Variants in YWHAQ observed in about 807,000 individuals in gnomAD.
YWHAQ encodes tyrosine 3-monooxygenase/tryptophan 5-monooxygenase activation protein theta, also known as 14-3-3 protein theta.
YWHAQ carries 6 observed loss-of-function variants against 28.3 expected under a neutral mutation model. The observed-to-expected ratio is 0.21, with a 90% CI of 0.12 to 0.42. YWHAQ has a LOEUF of 0.42. YWHAQ is among the 10% of genes least tolerant of loss of function. YWHAQ has a pLI of 1.00. For missense variants in YWHAQ, 201 were observed against 305.6 expected, an observed-to-expected ratio of 0.66 and a Z score of 2.55; for synonymous variants, 143 against 119.1, an observed-to-expected ratio of 1.20 and a Z score of -1.31.
intron 2 of YWHAQ, among the ~76,000 whole-genome samples, chr2:9,594,466 A>C (rs1044778677): frequency 7.9e-5 from 12 of 152,124 alleles, no homozygotes; most frequent in Non-Finnish European, 1.2e-4. Context: ...TCTCAAACTG[A>C]CTCAGTCATT....
chr2:9,617,488 T>C (rs1393594290), intron 2 of YWHAQ, among the ~76,000 whole-genome samples: 1 of 152,124 alleles, frequency 6.6e-6, no homozygotes, highest in Admixed American at 6.5e-5. Flanking sequence ...TTAATGGGTA[T>C]AGAGTTTCAG....
In YWHAQ at chr2:9,606,631, G is replaced by A. The variant is rs543936023; in HGVS notation, c.295-15116C>T. Among the ~76,000 whole-genome samples the A allele has an allele frequency of 2.3e-4, 35 of 152,144 alleles. No individual in the cohort carries two copies. The South Asian group carries it at 6.4e-3, about 28-fold the overall frequency. On this transcript the variant is annotated intron_variant, in intron 2 of 5. Coordinates refer to ENST00000238081, the MANE Select transcript of YWHAQ (RefSeq NM_006826.4). ...TGCAACCTCCGCCACTCAGGTTCACGCCATTATCCTGCCTCAGCCTCCTGA... is the reference window on the plus strand; with the variant it reads ...TGCAACCTCCGCCACTCAGGTTCACACCATTATCCTGCCTCAGCCTCCTGA...
chr2:9,623,313 T>C (rs1667179655), intron 2 of YWHAQ, among the ~76,000 whole-genome samples: 1 of 152,248 alleles, frequency 6.6e-6, no homozygotes, highest in Non-Finnish European at 1.5e-5. Context: ...TGACAGTGTA[T>C]ACACATACCT....
At chr2:9,603,270 ATTTT>A (rs149708531) in intron 2 of YWHAQ, among the ~76,000 whole-genome samples, 4 of 128,724 alleles carry the variant, frequency 3.1e-5, no homozygotes, top group Non-Finnish European at 6.5e-5. Flanking sequence ...TCTCCCTTGA[ATTTT>A]TTTTTTTTTT....
chr2:9,619,732 TA>T (rs1439488140), intron 2 of YWHAQ, among the ~76,000 whole-genome samples: 3 of 152,222 alleles, frequency 2.0e-5, no homozygotes, highest in Non-Finnish European at 4.4e-5. Flanking sequence ...TTTAAATCCG[TA>T]ATGTAACCTT....
chr2:9,591,385 A>AACTT lies in YWHAQ; in HGVS notation c.418+3_418+6dup. The stretch of plus-strand genomic sequence containing the variant: ...TCTACTTTTGCCCATATAACAAATA[A>AACTT]ACTTACGTTTTCGATCATCACCACA... On this transcript the variant is annotated splice_region_variant and intron_variant, in intron 3 of 5. Coordinates refer to ENST00000238081, the MANE Select transcript of YWHAQ (RefSeq NM_006826.4). 6.2e-7 allele frequency: 1 copy of AACTT among 1,608,612 alleles called. No homozygotes were observed. Among genetic ancestry groups the AACTT allele is most frequent in the African/African-American group, 1.3e-5 (1 of 74,956 alleles).
chr2:9,630,198 T>C lies in YWHAQ; in HGVS notation c.255A>G (p.Lys85=). ...KLQLIKDYRE[K]VESELRSICT... Reference sequence around the variant, plus strand: ...AGATGGATCTCAGCTCGGACTCCACTTTCTCCCGATAGTCCTTAATCAGCT... The same window carrying C: ...AGATGGATCTCAGCTCGGACTCCACCTTCTCCCGATAGTCCTTAATCAGCT... Residue 85 remains lysine, a synonymous_variant, in exon 2 of 6, where the codon AAA becomes AAG. Transcript: ENST00000238081. The surrounding 1 kb of genome is among the most constrained non-coding windows in gnomAD (Gnocchi z 5.6). 5 of 1,613,950 alleles carry C rather than the reference T, an allele frequency of 3.1e-6. No individual in the cohort carries two copies. The highest frequency in any genetic ancestry group is 2.2e-5 in the East Asian group (1 of 44,872).
chr2:9,604,944 T>C (rs1265652906), intron 2 of YWHAQ, among the ~76,000 whole-genome samples: 2 of 152,218 alleles, frequency 1.3e-5, no homozygotes, highest in Non-Finnish European at 2.9e-5. Context: ...GGACTCATTA[T>C]TTGTCAAATG....
chr2:9,598,011 T>TTTTTTTTTTTTTTG lies in YWHAQ; in HGVS notation c.295-6497_295-6496insCAAAAAAAAAAAAA, dbSNP rs1397521514. On this transcript the variant is annotated intron_variant, in intron 2 of 5. Coordinates refer to ENST00000238081, the MANE Select transcript of YWHAQ (RefSeq NM_006826.4). The stretch of plus-strand genomic sequence containing the variant: ...TTTTTTTTTTTTTTTTTTTTTTTTT[T>TTTTTTTTTTTTTTG]TTAGTAGAGACAAGGTTTCTCCATG... 3.4e-4 allele frequency among the ~76,000 whole-genome samples: 46 copies of TTTTTTTTTTTTTTG among 137,100 alleles called. 2 individuals are homozygous for TTTTTTTTTTTTTTG. Among genetic ancestry groups the TTTTTTTTTTTTTTG allele is most frequent in the Non-Finnish European group, 4.3e-4 (27 of 62,526 alleles). The allele number at this position is 137,100 out of a possible 152,430, so 89.9% of individuals were successfully genotyped here.
At chr2:9,626,575 T>C (rs1667251097) in intron 2 of YWHAQ, among the ~76,000 whole-genome samples, 1 of 152,196 alleles carries the variant, frequency 6.6e-6, no homozygotes, top group Admixed American at 6.5e-5. Context: ...ACTACAGGCA[T>C]GTGCCACCAC....
At chr2:9,594,517 G>C (rs755462799) in intron 2 of YWHAQ, among the ~76,000 whole-genome samples, 4 of 152,110 alleles carry the variant, frequency 2.6e-5, no homozygotes, top group Non-Finnish European at 5.9e-5. Flanking sequence ...TAGTATCAAA[G>C]AAGGCAAACA....
intron 2 of YWHAQ, among the ~76,000 whole-genome samples, chr2:9,608,761 C>A (rs1666886381): frequency 6.6e-6 from 1 of 152,198 alleles, no homozygotes; most frequent in African/African-American, 2.4e-5. Context: ...CCAGCCTGGC[C>A]AACATGGCGA....
At position 9,589,413 on chromosome 2, in the gene YWHAQ, G is replaced by A. The variant is rs149690473; in HGVS notation, c.419-1085C>T. Among the ~76,000 whole-genome samples the A allele has an allele frequency of 4.8e-3, 725 of 151,970 alleles. 7 individuals are homozygous for A. The highest frequency in any genetic ancestry group is 0.017 in the African/African-American group (686 of 41,456). ...AGCCTTACCAACATGGAGAAACCCC[G>A]TCTCTACTAATAATACAAAAATTAG... On this transcript the variant is annotated intron_variant, in intron 3 of 5. Coordinates refer to ENST00000238081, the MANE Select transcript of YWHAQ (RefSeq NM_006826.4).
At chr2:9,622,312 T>C (rs1667156717) in intron 2 of YWHAQ, among the ~76,000 whole-genome samples, 1 of 152,244 alleles carries the variant, frequency 6.6e-6, no homozygotes, top group East Asian at 1.9e-4. Context: ...TAAAATTTCA[T>C]ATAAATGGAA....
chr2:9,597,641 A>G (rs1268708021), intron 2 of YWHAQ, among the ~76,000 whole-genome samples: 1 of 151,012 alleles, frequency 6.6e-6, no homozygotes, highest in Admixed American at 6.6e-5. Context: ...TCTCAAAAAA[A>G]AAAAAAAAAA....
Position 9,603,743 on chromosome 2 carries a change from G to C in YWHAQ, c.295-12228C>G, listed in dbSNP as rs191795838. Reference sequence around the variant, plus strand: ...GTTCGAGAGCAGCCTGGCTAGCATGGTGAAACTCCCCTCTATTAAAAATAC... The same window carrying C: ...GTTCGAGAGCAGCCTGGCTAGCATGCTGAAACTCCCCTCTATTAAAAATAC... On this transcript the variant is annotated intron_variant, in intron 2 of 5. Transcript: ENST00000238081. 4.9e-4 allele frequency among the ~76,000 whole-genome samples: 75 copies of C among 151,982 alleles called. 3 individuals carry two copies. In the East Asian group the frequency reaches 0.013, roughly 25 times the overall value.
rs1666321031 is a variant in YWHAQ, at chr2:9,585,343, A to C, written c.681T>G (p.Leu227=). ...IMQLLRDNLT[L]WTSDSAGEEC... is the part of the protein sequence containing the mutation. ...CTTCTCCTGCACTGTCTGATGTCCA[A>C]AGCTAGAAAAAGAAGAATCATATTA... Residue 227 remains leucine (L), a splice_region_variant and synonymous_variant, in exon 6 of 6, where the codon CTT becomes CTG. Coordinates refer to ENST00000238081, the MANE Select transcript of YWHAQ (RefSeq NM_006826.4). 1 of 1,614,012 alleles carries C rather than the reference A, an allele frequency of 6.2e-7. No homozygotes were observed. The highest frequency in any genetic ancestry group is 8.5e-7 in the Non-Finnish European group (1 of 1,179,992).
intron 2 of YWHAQ, among the ~76,000 whole-genome samples, chr2:9,603,270 A>ATT (rs149708531): frequency 9.3e-5 from 12 of 128,732 alleles, no homozygotes; most frequent in Non-Finnish European, 9.8e-5. Context: ...TCTCCCTTGA[A>ATT]TTTTTTTTTT....
intron 2 of YWHAQ, among the ~76,000 whole-genome samples, chr2:9,621,588 T>C (rs181901726): frequency 3.1e-4 from 39 of 125,688 alleles, no homozygotes; most frequent in Non-Finnish European, 6.3e-5. Flanking sequence ...AGTACAGGCA[T>C]ATCACTAGTT....
Sources: gnomAD v4.1 joint callset for allele counts (sites outside exome capture counted in the v4.1 genomes callset) on GRCh38, gnomAD v4.1.1 for gene constraint, Gnocchi (gnomAD v3.1) non-coding constraint, MANE v1.5 for transcripts, NCBI Gene and HGNC (gene_info 2026-07-23, HGNC 2026-07-21) for gene names.